Variants in EXT1 observed in about 807,000 individuals in gnomAD.
The protein encoded by EXT1 is exostosin-1.
In EXT1, 20 loss-of-function variants were observed where a neutral mutation model predicts 82.5. The observed-to-expected ratio is 0.24, with a 90% confidence interval of 0.17 to 0.35. The LOEUF is 0.35. Among genes scored for constraint, EXT1 ranks in the 10% least tolerant of loss-of-function variants. EXT1 has a pLI of 1.00. For missense variants in EXT1, 757 were observed against 936.5 expected (o/e 0.81, Z 2.50); for synonymous variants, 348 against 350.8 (o/e 0.99, Z 0.09).
At chr8:117,929,293 A>G (rs1333288752) in intron 1 of EXT1, among the ~76,000 whole-genome samples, 1 of 152,222 alleles carries the variant, frequency 6.6e-6, no homozygotes, top group Non-Finnish European at 1.5e-5. Flanking sequence ...AAAAAGATGA[A>G]AAGATGATCC....
chr8:117,815,202 C>T (rs17503180), intron 7 of EXT1, among the ~76,000 whole-genome samples: 2,441 of 152,324 alleles, frequency 0.016, 71 homozygotes, highest in African/African-American at 0.054. Context: ...CTGCCCTGAC[C>T]TTTCCCTTGT....
intron 10 of EXT1, among the ~76,000 whole-genome samples, chr8:117,803,382 A>G (rs915012288): frequency 5.3e-5 from 8 of 151,968 alleles, no homozygotes; most frequent in Non-Finnish European, 8.8e-5. Flanking sequence ...TTTTTAGTAG[A>G]GATGGGGTTT....
At chr8:118,104,053 T>C (rs573920766) in intron 1 of EXT1, among the ~76,000 whole-genome samples, 2 of 152,234 alleles carry the variant, frequency 1.3e-5, no homozygotes, top group South Asian at 4.1e-4. Flanking sequence ...GGAATCTAAG[T>C]ACCCAGGTAG....
intron 1 of EXT1, among the ~76,000 whole-genome samples, chr8:117,956,188 AAAC>A (rs1379994306): frequency 6.6e-5 from 10 of 151,998 alleles, no homozygotes; most frequent in African/African-American, 1.7e-4. Context: ...AAAAAAAAAA[AAAC>A]AAGTCGGGGA....
At chr8:117,805,204 T>C (rs1369690418) in intron 9 of EXT1, among the ~76,000 whole-genome samples, 1 of 152,200 alleles carries the variant, frequency 6.6e-6, no homozygotes, top group African/African-American at 2.4e-5. Context: ...AGACATTGCT[T>C]GTCCAGTCTA....
intron 1 of EXT1, among the ~76,000 whole-genome samples, chr8:118,009,495 C>T (rs1023983905): frequency 1.8e-4 from 25 of 139,858 alleles, no homozygotes; most frequent in African/African-American, 6.2e-4. Context: ...TTCCAGACTC[C>T]AAAAGGGCAA....
chr8:118,003,004 T>A (rs1215515395), intron 1 of EXT1, among the ~76,000 whole-genome samples: 7 of 152,042 alleles, frequency 4.6e-5, no homozygotes, highest in Admixed American at 3.3e-4. Flanking sequence ...AACGAGTGGA[T>A]AAAATGTTTT....
At chr8:117,950,939 T>C (rs1814479643) in intron 1 of EXT1, among the ~76,000 whole-genome samples, 1 of 152,240 alleles carries the variant, frequency 6.6e-6, no homozygotes, top group Non-Finnish European at 1.5e-5. Context: ...TAAGTTTCTA[T>C]ACTTATAACC....
At chr8:117,973,942 GAA>G (rs1563617739) in intron 1 of EXT1, among the ~76,000 whole-genome samples, 1 of 139,818 alleles carries the variant, frequency 7.2e-6, no homozygotes, top group African/African-American at 2.8e-5. Flanking sequence ...AGGAAGGAAG[GAA>G]GGAAGGAAGG....
Position 117,953,768 on chromosome 8 carries a change from T to C in EXT1, c.963-116567A>G, listed in dbSNP as rs117305055. Among the ~76,000 whole-genome samples the C allele has an allele frequency of 8.6e-5, 13 of 151,996 alleles. No homozygotes were observed. The East Asian group carries it at 1.4e-3, about 16-fold the overall frequency. ...TCATAATAATAATACATACAATGTA[T>C]TAACAAATAAACTCTCCTGTAGTCC... On this transcript the variant is annotated intron_variant, in intron 1 of 10. Transcript: ENST00000378204.
intron 1 of EXT1, among the ~76,000 whole-genome samples, chr8:118,000,696 G>A (rs1046994782): frequency 3.3e-5 from 5 of 152,292 alleles, no homozygotes; most frequent in African/African-American, 1.2e-4. Context: ...GCTAAGTGGA[G>A]GCCAAGTACC....
At chr8:118,081,708 G>A (rs1345645621) in intron 1 of EXT1, among the ~76,000 whole-genome samples, 2 of 152,172 alleles carry the variant, frequency 1.3e-5, no homozygotes, top group Non-Finnish European at 2.9e-5. Context: ...AATTGCCACT[G>A]TCATTTAATG....
chr8:117,845,928 C>T (rs1276811879), intron 1 of EXT1, among the ~76,000 whole-genome samples: 7 of 152,074 alleles, frequency 4.6e-5, no homozygotes, highest in Admixed American at 1.3e-4. Context: ...AGGTTTTGTT[C>T]GGTTTGTGCA....
At chr8:118,058,769 T>G (rs931293459) in intron 1 of EXT1, among the ~76,000 whole-genome samples, 3 of 152,174 alleles carry the variant, frequency 2.0e-5, no homozygotes, top group Non-Finnish European at 4.4e-5. Context: ...TAGGTATAGA[T>G]CTACAGAAAA....
rs146271934 is a variant in EXT1, at chr8:118,059,448, G to T, written c.962+50637C>A. ...GATGGACAACGGCAGGTGCCCAATGGGGTCCAGCTTGTCTTTGCTTTCTTC... is the reference window on the plus strand; with the variant it reads ...GATGGACAACGGCAGGTGCCCAATGTGGTCCAGCTTGTCTTTGCTTTCTTC... On this transcript the variant is annotated intron_variant, in intron 1 of 10. Transcript: ENST00000378204. Among the ~76,000 whole-genome samples the T allele has an allele frequency of 2.6e-3, 396 of 152,304 alleles. 1 individual carries two copies. Among genetic ancestry groups the T allele is most frequent in the Non-Finnish European group, 4.4e-3 (300 of 68,026 alleles).
intron 1 of EXT1, among the ~76,000 whole-genome samples, chr8:118,021,150 T>A (rs117302197): frequency 1.3e-5 from 2 of 152,322 alleles, no homozygotes; most frequent in South Asian, 2.1e-4. Flanking sequence ...ATTTAAAAAA[T>A]TTTTAAAAGA....
chr8:117,871,872 C>A (rs1812879330), intron 1 of EXT1, among the ~76,000 whole-genome samples: 1 of 152,106 alleles, frequency 6.6e-6, no homozygotes, highest in African/African-American at 2.4e-5. Flanking sequence ...TGGCTGTAAT[C>A]CTAGCACCGT....
At chr8:117,960,257 T>C (rs1814673721) in intron 1 of EXT1, among the ~76,000 whole-genome samples, 1 of 152,156 alleles carries the variant, frequency 6.6e-6, no homozygotes, top group Non-Finnish European at 1.5e-5. Flanking sequence ...AGATACCCAA[T>C]AAAATATACA....
In EXT1 at chr8:117,983,615, A is replaced by G. The variant is rs118111462; in HGVS notation, c.962+126470T>C. ...AATACCCTCCCTGGCCTTCAACAAC[A>G]ACAACAAAATAGAGGCAATCCTACA... On this transcript the variant is annotated intron_variant, in intron 1 of 10. Transcript: ENST00000378204. Among the ~76,000 whole-genome samples, 316 of 152,324 alleles carry G rather than the reference A, an allele frequency of 2.1e-3. 1 individual carries two copies. Among genetic ancestry groups the G allele is most frequent in the Non-Finnish European group, 3.1e-3 (213 of 68,036 alleles).
Sources: gnomAD v4.1 joint callset for allele counts (sites outside exome capture counted in the v4.1 genomes callset) on GRCh38, gnomAD v4.1.1 for gene constraint, MANE v1.5 for transcripts, NCBI Gene and HGNC (gene_info 2026-07-23, HGNC 2026-07-21) for gene names.